DNAH6: variants seen among roughly 807,000 people sequenced by gnomAD.
DNAH6 encodes axonemal beta dynein heavy chain 6.
DNAH6 carries 340 observed loss-of-function variants against 491.4 expected under a neutral mutation model. That is an observed-to-expected ratio of 0.69 (90% CI 0.63 to 0.76). DNAH6 has a LOEUF of 0.76. Ranked by LOEUF, DNAH6 falls within the 30% of genes least tolerant of loss-of-function variation. DNAH6 has a pLI of 0.00. For synonymous variants in DNAH6, 1,603 were observed against 1,686.1 expected (o/e 0.95, Z 1.21); for missense variants, 4,443 against 4,972.2 (o/e 0.89, Z 3.20).
chr2:84,598,059 T>A (rs1433444764), intron 18 of DNAH6, among the ~76,000 whole-genome samples: 1 of 152,188 alleles, frequency 6.6e-6, no homozygotes, highest in Admixed American at 6.5e-5. Context: ...ATGTCCAGAA[T>A]AAAGAAATCT....
chr2:84,785,212 G>A (rs929053408), intron 66 of DNAH6, among the ~76,000 whole-genome samples: 3 of 152,232 alleles, frequency 2.0e-5, no homozygotes, highest in African/African-American at 7.2e-5. Flanking sequence ...TGAGGAACAA[G>A]AGTTGCTTCT....
At chr2:84,576,508 T>G (rs1434510217) in intron 12 of DNAH6, among the ~76,000 whole-genome samples, 1 of 151,994 alleles carries the variant, frequency 6.6e-6, no homozygotes, top group African/African-American at 2.4e-5. Flanking sequence ...TTGACCCAAA[T>G]GTAGGAGGTA....
chr2:84,480,250 A>G, the DNAH6 span, among the ~76,000 whole-genome samples: 1 of 152,216 alleles, frequency 6.6e-6, no homozygotes, highest in African/African-American at 2.4e-5. Context: ...TATAAAAGAA[A>G]GAATAATCAG....
chr2:84,705,609 T>C lies in DNAH6; in HGVS notation c.8589T>C (p.Asn2863=), dbSNP rs1220948533. 2 of 1,551,630 alleles carry C rather than the reference T, an allele frequency of 1.3e-6. No homozygotes were observed. Among genetic ancestry groups the C allele is most frequent in the Middle Eastern group, 1.7e-4 (1 of 5,992 alleles). Residue 2863 remains asparagine, a synonymous_variant, in exon 52 of 77, where the codon AAT becomes AAC. Transcript: ENST00000389394. ...ILAKLQKYIN[N]PDFVPEKVEK... ...CAAAGCTTCAAAAGTATATTAATAATCCTGATTTTGTGCCTGAAAAAGTGG... is the reference window on the plus strand; with the variant it reads ...CAAAGCTTCAAAAGTATATTAATAACCCTGATTTTGTGCCTGAAAAAGTGG...
intron 4 of DNAH6, among the ~76,000 whole-genome samples, chr2:84,531,636 A>G (rs1192231569): frequency 1.3e-5 from 2 of 152,100 alleles, no homozygotes; most frequent in Non-Finnish European, 2.9e-5. Flanking sequence ...ACTGAGACAT[A>G]GAAGACTGAA....
At chr2:84,462,973 G>T in the DNAH6 span, among the ~76,000 whole-genome samples, 1 of 152,158 alleles carries the variant, frequency 6.6e-6, no homozygotes, top group African/African-American at 2.4e-5. Context: ...TAGCATAAAA[G>T]ACTGTAGAAA....
intron 11 of DNAH6, among the ~76,000 whole-genome samples, chr2:84,567,309 A>G (rs1681305561): frequency 6.6e-6 from 1 of 152,158 alleles, no homozygotes; most frequent in Non-Finnish European, 1.5e-5. Flanking sequence ...ACTGCTTTAA[A>G]ATTCCTATGG....
chr2:84,689,130 A>T (rs2104769079), intron 45 of DNAH6, among the ~76,000 whole-genome samples: 1 of 152,302 alleles, frequency 6.6e-6, no homozygotes, highest in African/African-American at 2.4e-5. Context: ...TCTAATGCTA[A>T]AATGATCCTT....
intron 22 of DNAH6, among the ~76,000 whole-genome samples, chr2:84,616,601 C>G (rs2104373607): frequency 6.6e-6 from 1 of 152,178 alleles, no homozygotes; most frequent in East Asian, 1.9e-4. Context: ...AGGTGAGTCT[C>G]TTGAAGACAG....
chr2:84,748,636 A>G (rs746060064), intron 63 of DNAH6, among the ~76,000 whole-genome samples: 1 of 152,148 alleles, frequency 6.6e-6, no homozygotes, highest in African/African-American at 2.4e-5. Flanking sequence ...GGAAGTCCCA[A>G]ACTTTCCCTC....
intron 66 of DNAH6, among the ~76,000 whole-genome samples, chr2:84,785,215 T>C (rs1677065126): frequency 6.6e-6 from 1 of 151,754 alleles, no homozygotes; most frequent in African/African-American, 2.4e-5. Context: ...GGAACAAGAG[T>C]TGCTTCTTCC....
At chr2:84,765,610 G>A (rs1250112810) in intron 64 of DNAH6, among the ~76,000 whole-genome samples, 1 of 152,002 alleles carries the variant, frequency 6.6e-6, no homozygotes, top group Non-Finnish European at 1.5e-5. Flanking sequence ...CAAACAAGCA[G>A]AGGAGAAAAA....
At chr2:84,543,742 A>G (rs1678491434) in intron 4 of DNAH6, among the ~76,000 whole-genome samples, 1 of 152,182 alleles carries the variant, frequency 6.6e-6, no homozygotes, top group African/African-American at 2.4e-5. Context: ...GAACTAAACA[A>G]TTTATCAATA....
At chr2:84,766,502 C>T (rs1675092706) in intron 64 of DNAH6, among the ~76,000 whole-genome samples, 1 of 152,008 alleles carries the variant, frequency 6.6e-6, no homozygotes, top group Admixed American at 6.6e-5. Flanking sequence ...ATATAAAAAC[C>T]TGTAGGATGT....
chr2:84,754,648 A>G (rs1391643097), intron 63 of DNAH6, among the ~76,000 whole-genome samples: 8 of 152,206 alleles, frequency 5.3e-5, no homozygotes, highest in South Asian at 4.1e-4. Flanking sequence ...CTATATGTCT[A>G]TCCTTATTCC....
chr2:84,755,330 T>C (rs542471895), intron 63 of DNAH6, among the ~76,000 whole-genome samples: 48 of 152,212 alleles, frequency 3.2e-4, no homozygotes, highest in Non-Finnish European at 5.3e-4. Context: ...GAGGCCCTTG[T>C]CAGATACCGT....
chr2:84,612,146 C>T (rs4832104), intron 22 of DNAH6, among the ~76,000 whole-genome samples: 3 of 151,740 alleles, frequency 2.0e-5, no homozygotes, highest in African/African-American at 7.3e-5. Context: ...ATGTTGCTTC[C>T]GTGTATCAGC....
chr2:84,763,607 G>A (rs1471244802), intron 64 of DNAH6, among the ~76,000 whole-genome samples: 2 of 151,988 alleles, frequency 1.3e-5, no homozygotes, highest in Admixed American at 6.6e-5. Flanking sequence ...TGGAGTGGCT[G>A]GTCTGGCCTG....
At chr2:84,497,441 C>T in the DNAH6 span, among the ~76,000 whole-genome samples, 1 of 152,140 alleles carries the variant, frequency 6.6e-6, no homozygotes, top group East Asian at 1.9e-4. Context: ...CAGATATAGA[C>T]TTTGTTTCAT....
Sources: allele counts gnomAD v4.1 joint callset (sites outside exome capture counted in the v4.1 genomes callset), GRCh38; gene constraint gnomAD v4.1.1; transcripts MANE v1.5; gene names NCBI Gene and HGNC (gene_info 2026-07-23, HGNC 2026-07-21).